Variants in MCUB observed in about 807,000 individuals in gnomAD.
MCUB encodes the protein mitochondrial calcium uniporter dominant negative subunit beta, also known as calcium uniporter regulatory subunit MCUb, mitochondrial.
Under a neutral mutation model 41.4 loss-of-function variants are expected in MCUB, and 46 were observed. The ratio of observed to expected loss-of-function variants is 1.11; its 90% confidence interval spans 0.88 to 1.42. The LOEUF (loss-of-function observed/expected upper bound fraction) is 1.42, where lower values mean the gene tolerates loss of function less well. Ranked by LOEUF, MCUB falls within the 40% of genes most tolerant of loss-of-function variation. MCUB has a pLI of 0.00. For missense variants in MCUB, 403 were observed against 404.9 expected (o/e 1.00, Z 0.04); for synonymous variants, 148 against 148.2 (o/e 1.00, Z 0.01).
chr4:109,683,035 A>C (rs1169287445), intron 5 of MCUB: 2 of 233,906 alleles, frequency 8.6e-6, no homozygotes, highest in African/African-American at 4.6e-5. Context: ...ATCAGTCATA[A>C]TGTCTCTGTA....
intron 1 of MCUB, among the ~76,000 whole-genome samples, chr4:109,651,276 C>G (rs1352828520): frequency 1.3e-5 from 2 of 152,184 alleles, no homozygotes; most frequent in Non-Finnish European, 2.9e-5. Flanking sequence ...ACCCTTTGAC[C>G]TGCCTTCTGG....
At chr4:109,585,430 G>A (rs1242929481) in intron 1 of MCUB, among the ~76,000 whole-genome samples, 4 of 151,976 alleles carry the variant, frequency 2.6e-5, no homozygotes, top group Non-Finnish European at 4.4e-5. Flanking sequence ...TTTTAATTGG[G>A]GCATTTAGCC....
chr4:109,602,868 C>T (rs368467645), intron 1 of MCUB, among the ~76,000 whole-genome samples: 8 of 151,908 alleles, frequency 5.3e-5, no homozygotes, highest in South Asian at 4.2e-4. Flanking sequence ...TTTTGGTGTC[C>T]GCTTCTTGCA....
At chr4:109,681,769 G>A (rs961001494) in intron 4 of MCUB, among the ~76,000 whole-genome samples, 10 of 152,250 alleles carry the variant, frequency 6.6e-5, no homozygotes, top group African/African-American at 2.4e-4. Flanking sequence ...GGATCCGGAA[G>A]AATGTAAGTC....
At chr4:109,604,226 T>C (rs1362900647) in intron 1 of MCUB, among the ~76,000 whole-genome samples, 2 of 151,644 alleles carry the variant, frequency 1.3e-5, no homozygotes, top group Non-Finnish European at 2.9e-5. Context: ...TAATCTCAAG[T>C]ACCCAGGGAC....
intron 4 of MCUB, among the ~76,000 whole-genome samples, chr4:109,676,184 T>C (rs1185229232): frequency 6.6e-6 from 1 of 152,224 alleles, no homozygotes; most frequent in South Asian, 2.1e-4. Flanking sequence ...AGAATAGCTG[T>C]AGGAAGTCTA....
intron 5 of MCUB, among the ~76,000 whole-genome samples, chr4:109,683,552 A>G (rs1729764845): frequency 6.6e-6 from 1 of 152,194 alleles, no homozygotes; most frequent in African/African-American, 2.4e-5. Context: ...CTTATGAATC[A>G]TTTCAGATTT....
chr4:109,563,402 T>G lies in MCUB; in HGVS notation c.99+2966T>G, dbSNP rs75018558. Among the ~76,000 whole-genome samples, 761 of 152,330 alleles carry G rather than the reference T, an allele frequency of 5.0e-3. 5 individuals carry two copies. The highest frequency in any genetic ancestry group is 0.017 in the African/African-American group (718 of 41,570). ...GTCAACTTAGAAATTGTTTTCATCTTTTTAATTTAATGAACATATCGTTCT... is the reference window on the plus strand; with the variant it reads ...GTCAACTTAGAAATTGTTTTCATCTGTTTAATTTAATGAACATATCGTTCT... On this transcript the variant is annotated intron_variant, in intron 1 of 7. Coordinates refer to ENST00000394650, the MANE Select transcript of MCUB (RefSeq NM_017918.5).
chr4:109,650,600 T>G (rs1242064341), intron 1 of MCUB, among the ~76,000 whole-genome samples: 1 of 152,222 alleles, frequency 6.6e-6, no homozygotes, highest in Non-Finnish European at 1.5e-5. Flanking sequence ...TATTTGAGAA[T>G]ACATTGCAAA....
intron 4 of MCUB, among the ~76,000 whole-genome samples, chr4:109,674,542 A>T (rs114133436): frequency 0.023 from 3,545 of 152,316 alleles, 54 homozygotes; most frequent in Non-Finnish European, 0.034. Context: ...TGTTTTGTGG[A>T]CTGGCTGACT....
intron 4 of MCUB, among the ~76,000 whole-genome samples, chr4:109,672,975 G>A (rs1729493074): frequency 6.6e-6 from 1 of 152,076 alleles, no homozygotes; most frequent in Non-Finnish European, 1.5e-5. Flanking sequence ...AATTTTAATT[G>A]TATATTTGAA....
At chr4:109,623,874 C>G (rs1228582074) in intron 1 of MCUB, among the ~76,000 whole-genome samples, 1 of 152,106 alleles carries the variant, frequency 6.6e-6, no homozygotes, top group African/African-American at 2.4e-5. Flanking sequence ...TTTAGAGAGA[C>G]AGTCTTGTTC....
At chr4:109,565,584 T>C (rs1300362768) in intron 1 of MCUB, among the ~76,000 whole-genome samples, 1 of 152,158 alleles carries the variant, frequency 6.6e-6, no homozygotes, top group Non-Finnish European at 1.5e-5. Context: ...AAATTAATAC[T>C]GTTAAAGTAA....
At chr4:109,609,017 A>G (rs923174438) in intron 1 of MCUB, among the ~76,000 whole-genome samples, 9 of 152,118 alleles carry the variant, frequency 5.9e-5, no homozygotes, top group African/African-American at 2.2e-4. Flanking sequence ...CTGGATTACC[A>G]GACAGAGACT....
intron 4 of MCUB, among the ~76,000 whole-genome samples, chr4:109,671,143 A>G (rs974713029): frequency 6.6e-6 from 1 of 152,184 alleles, no homozygotes; most frequent in Admixed American, 6.5e-5. Flanking sequence ...TCAGCCATTT[A>G]TTAATTGTTA....
intron 1 of MCUB, among the ~76,000 whole-genome samples, chr4:109,614,289 G>T (rs1728079837): frequency 6.6e-6 from 1 of 152,112 alleles, no homozygotes; most frequent in Non-Finnish European, 1.5e-5. Flanking sequence ...ATAAACCCAT[G>T]CTGTAGGATT....
At position 109,590,326 on chromosome 4, in the gene MCUB, C is replaced by T. The variant is rs1727401066; in HGVS notation, c.99+29890C>T. On this transcript the variant is annotated intron_variant, in intron 1 of 7. Transcript: ENST00000394650. ...TGGCTTACCCTTTTGCTTTTCTTTG[C>T]TTATAGTTTAAATACTTTCTACTCC... 2.0e-5 allele frequency among the ~76,000 whole-genome samples: 3 copies of T among 152,054 alleles called. No individual in the cohort carries two copies. The South Asian group carries it at 6.2e-4, about 31-fold the overall frequency.
intron 1 of MCUB, among the ~76,000 whole-genome samples, chr4:109,624,353 G>T (rs1275359122): frequency 6.6e-6 from 1 of 152,198 alleles, no homozygotes; most frequent in Non-Finnish European, 1.5e-5. Context: ...CTGGCTGAAT[G>T]CTCCTAGAGT....
At chr4:109,674,050 T>A in intron 4 of MCUB, 1 of 1,370,130 alleles carries the variant, frequency 7.3e-7, no homozygotes, top group Non-Finnish European at 1.0e-6. Flanking sequence ...AGCCCAAGGC[T>A]TTGTTGTAGG....
Sources: gnomAD v4.1 joint callset for allele counts (sites outside exome capture counted in the v4.1 genomes callset) on GRCh38, gnomAD v4.1.1 for gene constraint, MANE v1.5 for transcripts, NCBI Gene and HGNC (gene_info 2026-07-23, HGNC 2026-07-21) for gene names.